The following DMD variants were observed in gnomAD, a reference collection of about 807,000 sequenced individuals.
DMD encodes the protein mutant dystrophin.
In DMD, 63 loss-of-function variants were observed where a neutral mutation model predicts 330.1. The ratio of observed to expected loss-of-function variants is 0.19; its 90% confidence interval spans 0.16 to 0.24. The LOEUF is 0.24. DMD is among the 10% of genes least tolerant of loss of function. The pLI is 1.00. For synonymous variants in DMD, 1,223 were observed against 959.8 expected, an observed-to-expected ratio of 1.27 and a Z score of -5.07; for missense variants, 3,344 against 2,684.1, an observed-to-expected ratio of 1.25 and a Z score of -5.43.
intron 2 of DMD, among the ~76,000 whole-genome samples, chrX:32,948,843 T>C (rs1038535924): frequency 6.3e-5 from 7 of 111,948 alleles, no homozygotes; most frequent in Non-Finnish European, 1.1e-4. Context: ...TTTTACATTT[T>C]TAAAGTCCTT....
At chrX:32,565,616 T>A (rs2051607719) in intron 16 of DMD, 86 bp downstream of exon 16, 1 of 980,406 alleles carries the variant, frequency 1.0e-6, no homozygotes, top group Non-Finnish European at 1.4e-6. Flanking sequence ...TGGTTGCTTC[T>A]TTTGTAGGGT....
intron 62 of DMD, among the ~76,000 whole-genome samples, chrX:31,284,773 C>T (rs1299152537): frequency 4.7e-5 from 5 of 107,483 alleles, no homozygotes; most frequent in South Asian, 4.2e-4. Context: ...GTTCTTCCTA[C>T]TCCAACTTTC....
At chrX:31,182,651 C>T in intron 68 of DMD, 87 bp downstream of exon 68, 1 of 944,070 alleles carries the variant, frequency 1.1e-6, no homozygotes, top group Non-Finnish European at 1.5e-6. Context: ...GAACTAACAG[C>T]AACTGGCACA....
intron 33 of DMD, among the ~76,000 whole-genome samples, chrX:32,381,796 T>TA (rs1328400687): frequency 9.0e-5 from 10 of 110,578 alleles, no homozygotes; most frequent in Admixed American, 2.9e-4. Flanking sequence ...CACCTTTTTT[T>TA]AAAAAAAACC....
intron 41 of DMD, among the ~76,000 whole-genome samples, chrX:32,320,695 A>T (rs1284960023): frequency 8.9e-6 from 1 of 112,126 alleles, no homozygotes; most frequent in Non-Finnish European, 1.9e-5. Context: ...CCTAATGAGC[A>T]CTCAATTAAT....
intron 50 of DMD, among the ~76,000 whole-genome samples, chrX:31,816,931 G>A (rs1230417927): frequency 8.9e-6 from 1 of 111,750 alleles, no homozygotes; most frequent in Non-Finnish European, 1.9e-5. Context: ...AGCTGCATCT[G>A]TATCTGTAAT....
intron 23 of DMD, among the ~76,000 whole-genome samples, chrX:32,465,670 C>T (rs1164785066): frequency 9.5e-6 from 1 of 105,295 alleles, no homozygotes; most frequent in African/African-American, 3.5e-5. Context: ...ACTGCAGCCT[C>T]CACCTCCCAG....
chrX:31,854,035 G>A (rs528613958), intron 48 of DMD, among the ~76,000 whole-genome samples: 3 of 111,728 alleles, frequency 2.7e-5, no homozygotes, highest in Non-Finnish European at 3.8e-5. Context: ...AGATTGCTAC[G>A]CATACTCATC....
At chrX:32,843,725 G>A (rs1408079281) in intron 4 of DMD, among the ~76,000 whole-genome samples, 1 of 111,741 alleles carries the variant, frequency 8.9e-6, no homozygotes, top group Non-Finnish European at 1.9e-5. Context: ...AGTGCCTGGT[G>A]AAATGTATTG....
At chrX:32,108,813 A>G (rs774158421) in intron 44 of DMD, among the ~76,000 whole-genome samples, 24 of 111,776 alleles carry the variant, frequency 2.1e-4, no homozygotes, top group African/African-American at 7.8e-4. Flanking sequence ...GAGGTTTTTT[A>G]TTAGTTAAGA....
chrX:32,397,524 C>G (rs1054085387), intron 30 of DMD, among the ~76,000 whole-genome samples: 1 of 111,644 alleles, frequency 9.0e-6, no homozygotes, highest in South Asian at 3.7e-4. Flanking sequence ...GACATTTGAG[C>G]TTATCTCAAC....
At chrX:32,588,520 C>A (rs746147229) in intron 13 of DMD, among the ~76,000 whole-genome samples, 43 of 111,663 alleles carry the variant, frequency 3.9e-4, no homozygotes, top group Non-Finnish European at 6.4e-4. Context: ...TGAGACAAGT[C>A]TATAGAGACT....
At chrX:32,453,566 C>G (rs924770703) in intron 26 of DMD, among the ~76,000 whole-genome samples, 26 of 110,586 alleles carry the variant, frequency 2.4e-4, no homozygotes, top group African/African-American at 8.5e-4. Context: ...TAATTTTTTA[C>G]CATGTGGCCC....
chrX:32,586,908 T>A (rs5971644), intron 13 of DMD, among the ~76,000 whole-genome samples: 16,600 of 111,133 alleles, frequency 0.15, 3,060 homozygotes, highest in African/African-American at 0.51. Flanking sequence ...TTATTGCTTC[T>A]TGGGCAACAA....
chrX:31,466,605 A>T lies in DMD; in HGVS notation c.8937+11501T>A, dbSNP rs2066876067. 2.7e-5 allele frequency among the ~76,000 whole-genome samples: 3 copies of T among 111,948 alleles called. No homozygotes were observed. In the Admixed American group the frequency reaches 2.8e-4, roughly 11 times the overall value. ...TGAAGTCAGGTAGCATGATGCCTCC[A>T]GCTTTGTTCTTTTTGCTTAGGATTG... On this transcript the variant is annotated intron_variant, in intron 59 of 78. Coordinates refer to ENST00000357033, the MANE Select transcript of DMD (RefSeq NM_004006.3).
upstream of DMD, among the ~76,000 whole-genome samples, chrX:33,214,300 A>G (rs1284575564): frequency 9.0e-6 from 1 of 111,426 alleles, no homozygotes; most frequent in African/African-American, 3.3e-5. Context: ...TTTACCATAT[A>G]AATTTTAGAA....
In DMD at chrX:32,389,645, A is replaced by G; in HGVS notation, c.4374T>C (p.Phe1458=). 8.3e-7 allele frequency: 1 copy of G among 1,210,999 alleles called. No individual in the cohort carries two copies. The highest frequency in any genetic ancestry group is 1.1e-6 in the Non-Finnish European group (1 of 895,074). Residue 1458 remains phenylalanine (F), a synonymous_variant, in exon 32 of 79, where the codon TTT becomes TTC. Transcript: ENST00000357033. ...QKKLQDVSMK[F]RLFQKPANFE... is the part of the protein sequence containing the mutation. Reference sequence around the variant, plus strand: ...AATTGGCTGGTTTCTGGAATAATCGAAACTTCATGGAGACATCTTGTAATT... The same window carrying G: ...AATTGGCTGGTTTCTGGAATAATCGGAACTTCATGGAGACATCTTGTAATT...
chrX:32,824,669 G>C (rs1267004887), intron 4 of DMD, among the ~76,000 whole-genome samples: 1 of 111,649 alleles, frequency 9.0e-6, no homozygotes, highest in Non-Finnish European at 1.9e-5. Context: ...TGGTGGAACT[G>C]TTCTGCATAT....
At chrX:32,783,940 T>C (rs1350321182) in intron 7 of DMD, among the ~76,000 whole-genome samples, 7 of 107,762 alleles carry the variant, frequency 6.5e-5, no homozygotes, top group African/African-American at 2.4e-4. Flanking sequence ...AGATTTATTA[T>C]TACAGAGATT....
Sources: gnomAD v4.1 joint callset for allele counts (sites outside exome capture counted in the v4.1 genomes callset) on GRCh38, gnomAD v4.1.1 for gene constraint, MANE v1.5 for transcripts, NCBI Gene and HGNC (gene_info 2026-07-23, HGNC 2026-07-21) for gene names.